Variants in CIMIP4 observed in about 807,000 individuals in gnomAD.
The protein encoded by CIMIP4 is ciliary microtubule inner protein 4.
chr22:37,003,868 C>A, the CIMIP4 span: 1 of 1,305,310 alleles, frequency 7.7e-7, no homozygotes, highest in Non-Finnish European at 1.0e-6. Flanking sequence ...CAACACAAGA[C>A]GGAGCGGGAG....
the CIMIP4 span, among the ~76,000 whole-genome samples, chr22:37,002,951 A>G: frequency 6.6e-6 from 1 of 152,110 alleles, no homozygotes; most frequent in Non-Finnish European, 1.5e-5. Context: ...GTCCCTGCCC[A>G]CAGCCTCCGC....
chr22:37,001,529 G>T, the CIMIP4 span, among the ~76,000 whole-genome samples: 26 of 152,224 alleles, frequency 1.7e-4, no homozygotes, highest in Non-Finnish European at 2.9e-4. Context: ...AGAATCTGCC[G>T]ACCCAGTTTG....
chr22:36,996,291 T>C, the CIMIP4 span, among the ~76,000 whole-genome samples: 1 of 152,122 alleles, frequency 6.6e-6, no homozygotes, highest in East Asian at 1.9e-4. Flanking sequence ...AAAGAATCAA[T>C]AACTAATTAC....
chr22:37,004,926 G>T, the CIMIP4 span, among the ~76,000 whole-genome samples: 6 of 152,032 alleles, frequency 3.9e-5, no homozygotes, highest in East Asian at 1.2e-3. Context: ...GGCCTCAAGT[G>T]ATCCACCCGC....
At chr22:36,994,329 C>G in the CIMIP4 span, among the ~76,000 whole-genome samples, 2 of 150,516 alleles carry the variant, frequency 1.3e-5, no homozygotes, top group Admixed American at 6.6e-5. Flanking sequence ...TTATTATTAT[C>G]ATTATTTTGA....
chr22:37,002,154 C>A, the CIMIP4 span: 6 of 1,521,758 alleles, frequency 3.9e-6, no homozygotes, highest in South Asian at 7.6e-5. Context: ...CTGCCTTGAG[C>A]GCTGGCTCCC....
chr22:36,997,313 C>T, the CIMIP4 span, among the ~76,000 whole-genome samples: 1 of 152,186 alleles, frequency 6.6e-6, no homozygotes, highest in African/African-American at 2.4e-5. Flanking sequence ...GGATAGGAGT[C>T]CCTCAACCTG....
the CIMIP4 span, among the ~76,000 whole-genome samples, chr22:36,999,679 G>A: frequency 2.0e-5 from 3 of 151,326 alleles, no homozygotes; most frequent in South Asian, 4.2e-4. Flanking sequence ...CCCAGCACTC[G>A]CAAGCTGACA....
At chr22:37,001,725 G>A in the CIMIP4 span, 3 of 1,132,130 alleles carry the variant, frequency 2.6e-6, no homozygotes, top group Admixed American at 3.0e-5. Flanking sequence ...AGATGCTCAG[G>A]AGATACTGCT....
chr22:36,995,701 T>A, the CIMIP4 span, among the ~76,000 whole-genome samples: 1 of 152,200 alleles, frequency 6.6e-6, no homozygotes, highest in African/African-American at 2.4e-5. Context: ...GATGGCTTTA[T>A]AAGGGGAAAC....
chr22:37,006,711 G>T, the CIMIP4 span, among the ~76,000 whole-genome samples: 3 of 152,160 alleles, frequency 2.0e-5, no homozygotes, highest in Non-Finnish European at 2.9e-5. Flanking sequence ...ATTATTGGGG[G>T]CCAGAGGGCA....
At chr22:37,005,489 C>T in the CIMIP4 span, among the ~76,000 whole-genome samples, 6 of 151,072 alleles carry the variant, frequency 4.0e-5, no homozygotes, top group South Asian at 8.3e-4. Flanking sequence ...TGGAACCAAG[C>T]GGTGGTCAGA....
the CIMIP4 span, among the ~76,000 whole-genome samples, chr22:36,999,386 G>C: frequency 2.0e-5 from 3 of 149,848 alleles, no homozygotes; most frequent in Non-Finnish European, 3.0e-5. Flanking sequence ...GGGGCAGGGG[G>C]GTAGCTGAGG....
chr22:36,999,977 T>C, the CIMIP4 span: 1 of 1,610,990 alleles, frequency 6.2e-7, no homozygotes. Flanking sequence ...ATCAATAGCC[T>C]TTTGAGCCTG....
the CIMIP4 span, among the ~76,000 whole-genome samples, chr22:36,999,583 G>C: frequency 2.1e-5 from 1 of 46,778 alleles, no homozygotes; most frequent in Non-Finnish European, 3.9e-5. Context: ...GGGAGGGGAG[G>C]GGGGGATGGG....
the CIMIP4 span, among the ~76,000 whole-genome samples, chr22:36,996,657 G>A: frequency 6.6e-6 from 1 of 152,146 alleles, no homozygotes. Flanking sequence ...TCCCAACAGG[G>A]TTTTTCATGG....
the CIMIP4 span, chr22:36,999,726 G>T: frequency 1.5e-6 from 2 of 1,352,354 alleles, no homozygotes; most frequent in Non-Finnish European, 2.0e-6. Flanking sequence ...TGTCCTTGAA[G>T]ATGTGCCCTG....
At chr22:36,995,949 G>A in the CIMIP4 span, among the ~76,000 whole-genome samples, 6 of 152,118 alleles carry the variant, frequency 3.9e-5, no homozygotes, top group Non-Finnish European at 8.8e-5. Context: ...TGTTTTTCCT[G>A]CTTATAGACA....
chr22:37,002,300 G>T, the CIMIP4 span: 1 of 1,403,864 alleles, frequency 7.1e-7, no homozygotes, highest in Non-Finnish European at 9.3e-7. Context: ...GAAAGTGGTT[G>T]TACCTGAGCA....
Sources: gnomAD v4.1 joint callset for allele counts (sites outside exome capture counted in the v4.1 genomes callset) on GRCh38, gnomAD v4.1.1 for gene constraint, MANE v1.5 for transcripts, NCBI Gene and HGNC (gene_info 2026-07-23, HGNC 2026-07-21) for gene names.